SNTB1: variants seen among roughly 807,000 people sequenced by gnomAD.
SNTB1 encodes the protein syntrophin beta 1, also known as beta-1-syntrophin.
In SNTB1, 36 loss-of-function variants were observed where a neutral mutation model predicts 48.9. The ratio of observed to expected loss-of-function variants is 0.74; its 90% confidence interval spans 0.56 to 0.97. The LOEUF (loss-of-function observed/expected upper bound fraction) is 0.97, where lower values mean the gene tolerates loss of function less well. Ranked by LOEUF, SNTB1 falls within the 50% of genes least tolerant of loss-of-function variation. SNTB1 has a pLI of 0.00. For synonymous variants in SNTB1, 299 were observed against 294.6 expected (o/e 1.01, Z -0.15); for missense variants, 786 against 703.4 (o/e 1.12, Z -1.33).
rs139398125 is a variant in SNTB1 at position 120,586,408 on chromosome 8, G to A, written c.997-11183C>T. On this transcript the variant is annotated intron_variant, in intron 3 of 6. Coordinates refer to ENST00000517992, the MANE Select transcript of SNTB1 (RefSeq NM_021021.4). ...TTGGCAGGTCTGGTTCTTTCTGCAGGCCCTGGGGAGAACCCTCTTCCTTGC... is the reference window on the plus strand; with the variant it reads ...TTGGCAGGTCTGGTTCTTTCTGCAGACCCTGGGGAGAACCCTCTTCCTTGC... Among the ~76,000 whole-genome samples the A allele has an allele frequency of 1.6e-3, 239 of 152,280 alleles. 2 individuals carry two copies. Among genetic ancestry groups the A allele is most frequent in the African/African-American group, 5.5e-3 (229 of 41,548 alleles).
At chr8:120,719,502 T>C (rs935256282) in intron 1 of SNTB1, among the ~76,000 whole-genome samples, 2 of 152,192 alleles carry the variant, frequency 1.3e-5, no homozygotes, top group Non-Finnish European at 2.9e-5. Flanking sequence ...CTTAGAAGCA[T>C]GGACAAGTGG....
At chr8:120,604,623 G>A (rs1048939143) in intron 3 of SNTB1, among the ~76,000 whole-genome samples, 6 of 151,978 alleles carry the variant, frequency 3.9e-5, no homozygotes, top group Admixed American at 6.6e-5. Context: ...GCTAATTTTT[G>A]TATTTTTAGT....
At chr8:120,711,359 G>A (rs1279444302) in intron 1 of SNTB1, among the ~76,000 whole-genome samples, 4 of 151,930 alleles carry the variant, frequency 2.6e-5, no homozygotes, top group Admixed American at 6.6e-5. Context: ...TCTAAATTGT[G>A]TTGCCCTAAG....
intron 4 of SNTB1, among the ~76,000 whole-genome samples, chr8:120,561,336 A>G (rs995182797): frequency 9.4e-4 from 41 of 43,756 alleles, no homozygotes; most frequent in Non-Finnish European, 6.6e-4. Flanking sequence ...AAAAAAAAAA[A>G]AAAAGAAAAA....
At chr8:120,703,403 G>T (rs1247546702) in intron 1 of SNTB1, among the ~76,000 whole-genome samples, 2 of 152,212 alleles carry the variant, frequency 1.3e-5, no homozygotes, top group Non-Finnish European at 2.9e-5. Context: ...GGGATTACAG[G>T]CATGAGCCAC....
At chr8:120,567,179 C>T (rs369813910) in intron 4 of SNTB1, among the ~76,000 whole-genome samples, 4 of 152,118 alleles carry the variant, frequency 2.6e-5, no homozygotes, top group South Asian at 2.1e-4. Context: ...GGGTTGAATG[C>T]GGTAACCCTG....
intron 3 of SNTB1, among the ~76,000 whole-genome samples, chr8:120,589,108 T>G (rs1394660471): frequency 6.6e-6 from 1 of 152,150 alleles, no homozygotes; most frequent in Admixed American, 6.6e-5. Context: ...GAATTGAGAC[T>G]ACACATCTGT....
At chr8:120,622,274 C>G (rs115190613) in intron 3 of SNTB1, among the ~76,000 whole-genome samples, 2,437 of 152,222 alleles carry the variant, frequency 0.016, 66 homozygotes, top group African/African-American at 0.055. Context: ...TATGGATGTT[C>G]TTAAATCAGA....
chr8:120,707,278 A>C (rs906869018), intron 1 of SNTB1, among the ~76,000 whole-genome samples: 1 of 152,180 alleles, frequency 6.6e-6, no homozygotes, highest in Non-Finnish European at 1.5e-5. Flanking sequence ...ATATGTGCAC[A>C]CACAAACACA....
intron 3 of SNTB1, among the ~76,000 whole-genome samples, chr8:120,601,686 A>C (rs1816424570): frequency 6.6e-6 from 1 of 152,202 alleles, no homozygotes; most frequent in Non-Finnish European, 1.5e-5. Context: ...TGACTGGTTA[A>C]GAAATGGCAA....
intron 3 of SNTB1, among the ~76,000 whole-genome samples, chr8:120,612,727 A>AT (rs1816645958): frequency 1.3e-5 from 2 of 152,216 alleles, no homozygotes; most frequent in South Asian, 4.1e-4. Flanking sequence ...CTAATTTTGT[A>AT]TTTTTAGTAG....
chr8:120,810,725 G>A (rs899388363), intron 1 of SNTB1, among the ~76,000 whole-genome samples: 2 of 152,148 alleles, frequency 1.3e-5, no homozygotes. Context: ...GATAGTCGGA[G>A]TTTTAGCATT....
intron 1 of SNTB1, among the ~76,000 whole-genome samples, chr8:120,712,312 G>A (rs1212083580): frequency 6.6e-6 from 1 of 151,590 alleles, no homozygotes; most frequent in African/African-American, 2.4e-5. Context: ...CTACTCAGGA[G>A]GCTGAGGCAG....
intron 5 of SNTB1, among the ~76,000 whole-genome samples, chr8:120,542,661 AT>A (rs1299303234): frequency 2.0e-5 from 3 of 151,446 alleles, no homozygotes; most frequent in African/African-American, 4.9e-5. Context: ...CTCAAAAAAA[AT>A]TTTTTTTTAA....
At chr8:120,753,748 T>C (rs1819262221) in intron 1 of SNTB1, among the ~76,000 whole-genome samples, 1 of 152,126 alleles carries the variant, frequency 6.6e-6, no homozygotes, top group Non-Finnish European at 1.5e-5. Context: ...AGCAAATAAA[T>C]GCATACTAGA....
chr8:120,667,100 C>CT (rs34814377), intron 2 of SNTB1, among the ~76,000 whole-genome samples: 3,000 of 140,610 alleles, frequency 0.021, 106 homozygotes, highest in Middle Eastern at 0.11. Flanking sequence ...TCTCTCTCTT[C>CT]TTTTTTTTTT....
intron 2 of SNTB1, among the ~76,000 whole-genome samples, chr8:120,641,498 A>G (rs1163268232): frequency 6.6e-6 from 1 of 152,240 alleles, no homozygotes; most frequent in Non-Finnish European, 1.5e-5. Flanking sequence ...AAAGAAAGAA[A>G]AAAGGGTATT....
At chr8:120,650,734 G>A (rs1334624189) in intron 2 of SNTB1, among the ~76,000 whole-genome samples, 1 of 152,174 alleles carries the variant, frequency 6.6e-6, no homozygotes, top group Non-Finnish European at 1.5e-5. Context: ...TTACCAAAAC[G>A]TGATCCAGTG....
At chr8:120,554,471 A>G (rs1166884413) in intron 4 of SNTB1, among the ~76,000 whole-genome samples, 4 of 152,162 alleles carry the variant, frequency 2.6e-5, no homozygotes, top group Non-Finnish European at 5.9e-5. Flanking sequence ...AGCCTGCCTC[A>G]TCTGTGATTG....
Sources: allele counts gnomAD v4.1 joint callset (sites outside exome capture counted in the v4.1 genomes callset), GRCh38; gene constraint gnomAD v4.1.1; transcripts MANE v1.5; gene names NCBI Gene and HGNC (gene_info 2026-07-23, HGNC 2026-07-21).